The following UPB1 variants were observed in gnomAD, a reference collection of about 807,000 sequenced individuals.
UPB1 encodes the protein beta-ureidopropionase 1.
UPB1 carries 40 observed loss-of-function variants against 49.1 expected under a neutral mutation model. That is an observed-to-expected ratio of 0.81 (90% CI 0.63 to 1.06). The LOEUF is 1.06. UPB1 is among the 50% of genes least tolerant of loss of function. The pLI is 0.00. For synonymous variants in UPB1, 207 were observed against 198.2 expected (o/e 1.04, Z -0.38); for missense variants, 499 against 505.9 (o/e 0.99, Z 0.13).
chr22:24,508,694 A>G (rs1322176792), intron 3 of UPB1, among the ~76,000 whole-genome samples: 3 of 152,186 alleles, frequency 2.0e-5, no homozygotes, highest in Admixed American at 6.5e-5. Context: ...CCTGGCCAAC[A>G]TGATGAAAAC....
At chr22:24,507,738 G>A (rs935087690) in intron 3 of UPB1, among the ~76,000 whole-genome samples, 3 of 152,200 alleles carry the variant, frequency 2.0e-5, no homozygotes, top group Non-Finnish European at 4.4e-5. Context: ...ACCCAACATG[G>A]CAATTCCTGC....
chr22:24,522,910 C>T (rs1456466662), intron 8 of UPB1, among the ~76,000 whole-genome samples: 1 of 146,608 alleles, frequency 6.8e-6, no homozygotes, highest in African/African-American at 2.6e-5. Context: ...CACCATTGCA[C>T]TCCAGCCTGG....
chr22:24,501,656 CG>C (rs1281578577), intron 2 of UPB1, among the ~76,000 whole-genome samples: 1 of 152,160 alleles, frequency 6.6e-6, no homozygotes, highest in African/African-American at 2.4e-5. Context: ...CACCAAAGCA[CG>C]GGGATTTAAA....
chr22:24,528,085 C>T lies in UPB1; in HGVS notation c.*2291C>T, dbSNP rs1034273910. The T allele has an allele frequency of 2.6e-5, 4 of 152,322 alleles. No individual in the cohort carries two copies. Among genetic ancestry groups the T allele is most frequent in the Non-Finnish European group, 4.4e-5 (3 of 68,110 alleles). The allele number at this position is 152,322 out of a possible 1,614,324, so 9.4% of individuals were successfully genotyped here. A position where few individuals can be genotyped will look rare whatever the true frequency, so the allele number is the denominator to read the frequency against. ...AGTGAGCCGAGATCACACCACTGCACTCCAGCTTGGCGACAGAGTGAGACT... is the reference window on the plus strand; with the variant it reads ...AGTGAGCCGAGATCACACCACTGCATTCCAGCTTGGCGACAGAGTGAGACT... On this transcript the variant is annotated 3_prime_UTR_variant, in exon 10 of 10. Transcript: ENST00000326010.
intron 8 of UPB1, 148 bp from the exon 9 acceptor site, chr22:24,523,471 C>G (rs925795693): frequency 8.6e-6 from 10 of 1,168,918 alleles, no homozygotes; most frequent in Non-Finnish European, 1.2e-5. Flanking sequence ...AGATGAGAGA[C>G]AGGCCTTTTG....
intron 3 of UPB1, among the ~76,000 whole-genome samples, chr22:24,506,435 A>G (rs1015342448): frequency 1.3e-5 from 2 of 152,058 alleles, no homozygotes; most frequent in Non-Finnish European, 2.9e-5. Context: ...TAAGCAGGAG[A>G]TCTTCTCTAC....
chr22:24,498,342 A>C (rs927222835), intron 1 of UPB1, among the ~76,000 whole-genome samples: 5 of 152,144 alleles, frequency 3.3e-5, no homozygotes, highest in African/African-American at 1.2e-4. Flanking sequence ...GGCACAGCAC[A>C]TGGTCATTGA....
chr22:24,502,239 C>T, intron 3 of UPB1, 26 bp downstream of exon 3: 1 of 1,604,106 alleles, frequency 6.2e-7, no homozygotes, highest in Non-Finnish European at 8.5e-7. Context: ...GGTGCTTTCT[C>T]TGCTGCCTTC....
At chr22:24,499,104 CA>C (rs1351628510) in intron 1 of UPB1, among the ~76,000 whole-genome samples, 7 of 152,146 alleles carry the variant, frequency 4.6e-5, no homozygotes, top group African/African-American at 1.7e-4. Context: ...GGCTGATTGT[CA>C]GGGGCGGAAC....
chr22:24,519,396 A>C (rs1568994310), intron 6 of UPB1, among the ~76,000 whole-genome samples: 1 of 152,152 alleles, frequency 6.6e-6, no homozygotes, highest in Non-Finnish European at 1.5e-5. Context: ...CCACAGTCTT[A>C]AAGATGTTCC....
chr22:24,515,467 C>A, intron 6 of UPB1, 97 bp downstream of exon 6: 1 of 1,537,512 alleles, frequency 6.5e-7, no homozygotes, highest in Non-Finnish European at 9.0e-7. Flanking sequence ...CAGGCAGGCG[C>A]AGCCACCAGG....
chr22:24,510,983 G>T (rs1458755332), intron 4 of UPB1, 140 bp downstream of exon 4: 2 of 833,558 alleles, frequency 2.4e-6, no homozygotes, highest in Non-Finnish European at 3.9e-6. Context: ...GATTAGATAA[G>T]ACTATCTGCC....
chr22:24,512,675 A>G (rs1183968996), intron 4 of UPB1, among the ~76,000 whole-genome samples: 4 of 152,198 alleles, frequency 2.6e-5, no homozygotes, highest in Admixed American at 1.3e-4. Context: ...CCCATTAAAC[A>G]ATAGCTCCCC....
chr22:24,515,369 A>G lies in UPB1; in HGVS notation c.790A>G (p.Ser264Gly), dbSNP rs1601505426. ...FNPSATIGAL[S>G]ESLWPIEARN... ...CCCCTCGGCCACGATAGGAGCACTC[A>G]GGTCACTCAGTTGGTGGGGTCTGGG... The change falls in exon 6 of 10, where the codon AGC becomes GGC. Residue 264 changes from serine to glycine, a missense_variant and splice_region_variant. Coordinates refer to ENST00000326010, the MANE Select transcript of UPB1 (RefSeq NM_016327.3). The G allele has an allele frequency of 1.2e-6, 2 of 1,614,054 alleles. No homozygotes were observed. Among genetic ancestry groups the G allele is most frequent in the East Asian group, 2.2e-5 (1 of 44,864 alleles).
rs936996405 is a variant in UPB1, at chr22:24,522,032, T to C, written c.916+4T>C. ...ACCTCGGGAGATGGAAAGAAAGGTA[T>C]GTCCCATGAACCATGGTGGCTGCAG... On this transcript the variant is annotated splice_donor_region_variant and intron_variant, in intron 8 of 9. Transcript: ENST00000326010. 2.5e-6 allele frequency: 4 copies of C among 1,613,900 alleles called. No homozygotes were observed. In the Admixed American group the frequency reaches 5.0e-5, roughly 20 times the overall value.
At position 24,513,439 on chromosome 22, in the gene UPB1, G is replaced by A. The variant is rs2044241802; in HGVS notation, c.575G>A (p.Gly192Glu). ...ATCTCCAATTCCGGAGCAGTCCTGGGAAAGACCAGGAAAAACCACATCCCC... is the reference window on the plus strand; with the variant it reads ...ATCTCCAATTCCGGAGCAGTCCTGGAAAAGACCAGGAAAAACCACATCCCC... The part of the protein sequence containing the change: ...VVISNSGAVL[G>E]KTRKNHIPRV... Residue 192 changes from glycine (G) to glutamate (E), a missense_variant, in exon 5 of 10, where the codon GGA becomes GAA. Physicochemically the swap from Gly to Glu is moderately conservative, Grantham distance 98. Coordinates refer to ENST00000326010, the MANE Select transcript of UPB1 (RefSeq NM_016327.3). 6.2e-7 allele frequency: 1 copy of A among 1,614,034 alleles called. No individual in the cohort carries two copies. Among genetic ancestry groups the A allele is most frequent in the South Asian group, 1.1e-5 (1 of 91,076 alleles).
chr22:24,523,825 C>G (rs771403212), intron 9 of UPB1, 52 bp downstream of exon 9: 71 of 1,612,244 alleles, frequency 4.4e-5, no homozygotes, highest in Non-Finnish European at 5.5e-5. Context: ...TGGCCCTCAT[C>G]CTGCTCTCAG....
Position 24,502,212 on chromosome 22 carries a change from G to A in UPB1, c.363G>A (p.Trp121Ter). The stretch of plus-strand genomic sequence containing the variant: ...ACATCATCTGTTTCCAGGAAGCATG[G>A]AGTGAGTCTTTTTTATGGTGCTTTC... ...GVNIICFQEA[W>*]TMPFAFCTRE... The change falls in exon 3 of 10, where the codon TGG (tryptophan) becomes TGA (stop). Residue 121 changes from tryptophan (W) to a stop codon, truncating the protein, a stop_gained and splice_region_variant. Transcript: ENST00000326010. LOFTEE classifies it high-confidence loss of function. The A allele has an allele frequency of 1.2e-6, 2 of 1,614,120 alleles. No individual in the cohort carries two copies. Among genetic ancestry groups the A allele is most frequent in the Non-Finnish European group, 8.5e-7 (1 of 1,179,980 alleles).
At chr22:24,509,122 C>CA (rs1387955911) in intron 3 of UPB1, among the ~76,000 whole-genome samples, 4 of 152,066 alleles carry the variant, frequency 2.6e-5, no homozygotes, top group Non-Finnish European at 5.9e-5. Flanking sequence ...AACATTTACT[C>CA]ACAGTGAGGC....
Sources: gnomAD v4.1 joint callset for allele counts (sites outside exome capture counted in the v4.1 genomes callset) on GRCh38, gnomAD v4.1.1 for gene constraint, MANE v1.5 for transcripts, NCBI Gene and HGNC (gene_info 2026-07-23, HGNC 2026-07-21) for gene names.